The following EPB41L4B variants were observed in gnomAD, a reference collection of about 807,000 sequenced individuals.
EPB41L4B encodes erythrocyte membrane protein band 4.1 like 4B, also known as band 4.1-like protein 4B.
EPB41L4B carries 30 observed loss-of-function variants against 112.5 expected under a neutral mutation model. That is an observed-to-expected ratio of 0.27 (90% CI 0.20 to 0.36). The LOEUF is 0.36. Among genes scored for constraint, EPB41L4B ranks in the 10% least tolerant of loss-of-function variants. The pLI is 1.00. For synonymous variants in EPB41L4B, 408 were observed against 439.7 expected (o/e 0.93, Z 0.90); for missense variants, 1,024 against 1,133.3 (o/e 0.90, Z 1.38).
chr9:109,315,654 G>A (rs1291955629), intron 1 of EPB41L4B, among the ~76,000 whole-genome samples: 2 of 152,146 alleles, frequency 1.3e-5, no homozygotes, highest in Non-Finnish European at 2.9e-5. Flanking sequence ...ACAGACCACA[G>A]CTTCCCAGTT....
At chr9:109,245,335 T>C (rs1261003946) in intron 14 of EPB41L4B, among the ~76,000 whole-genome samples, 1 of 152,208 alleles carries the variant, frequency 6.6e-6, no homozygotes, top group African/African-American at 2.4e-5. Flanking sequence ...ATCAGATTCA[T>C]CAGAGAGAGA....
intron 15 of EPB41L4B, among the ~76,000 whole-genome samples, chr9:109,218,415 C>A (rs370417079): frequency 6.6e-6 from 1 of 152,042 alleles, no homozygotes; most frequent in Non-Finnish European, 1.5e-5. Flanking sequence ...CATGAACCAC[C>A]GCACCCAGCC....
chr9:109,242,594 C>T (rs1014333509), intron 15 of EPB41L4B, among the ~76,000 whole-genome samples: 2 of 152,196 alleles, frequency 1.3e-5, no homozygotes, highest in Non-Finnish European at 1.5e-5. Context: ...TAAGTGACTA[C>T]CAAGTGTTTA....
chr9:109,229,640 G>GTT (rs1191401746), intron 15 of EPB41L4B, among the ~76,000 whole-genome samples: 3 of 152,166 alleles, frequency 2.0e-5, no homozygotes, highest in African/African-American at 7.2e-5. Flanking sequence ...GGACAAACTG[G>GTT]TTCCTGTTTT....
In EPB41L4B at chr9:109,243,540, C is replaced by T; in HGVS notation, c.1409+78G>A. 4.3e-6 allele frequency: 6 copies of T among 1,381,486 alleles called. No individual in the cohort carries two copies. In the South Asian group the frequency reaches 7.1e-5, roughly 16 times the overall value. 85.6% of individuals were successfully genotyped at this position (1,381,486 alleles called of 1,614,324 possible). ...TTATTTCTGATGCAGACTTTCTACTCCTAACTAAGCAGAATCTGAACTTTT... is the reference window on the plus strand; with the variant it reads ...TTATTTCTGATGCAGACTTTCTACTTCTAACTAAGCAGAATCTGAACTTTT... On this transcript the variant is annotated intron_variant, in intron 15 of 25. Coordinates refer to ENST00000374566, the MANE Select transcript of EPB41L4B (RefSeq NM_019114.5).
At chr9:109,198,513 A>G (rs1832718216) in intron 20 of EPB41L4B, among the ~76,000 whole-genome samples, 1 of 152,156 alleles carries the variant, frequency 6.6e-6, no homozygotes, top group Non-Finnish European at 1.5e-5. Context: ...CCAACTCCAA[A>G]GCCCCCATCC....
In EPB41L4B at chr9:109,194,233, G is replaced by T. The variant is rs1365194690; in HGVS notation, c.2210C>A (p.Ser737Tyr). 4 of 1,614,196 alleles carry T rather than the reference G, an allele frequency of 2.5e-6. No individual in the cohort carries two copies. The highest frequency in any genetic ancestry group is 3.4e-6 in the Non-Finnish European group (4 of 1,180,004). The change falls in exon 21 of 26, where the codon TCC (serine) becomes TAC (tyrosine). Residue 737 changes from serine to tyrosine, a missense_variant. Transcript: ENST00000374566. ...PHKSEGKGLLSPGAKSPSDRG... is the reference protein window; with the variant it reads ...PHKSEGKGLLYPGAKSPSDRG... Reference sequence around the variant, plus strand: ...ACCCCCCAATACCTTGGCCCCAGGGGACAGCAGGCCTTTGCCTTCTGACTT... The same window carrying T: ...ACCCCCCAATACCTTGGCCCCAGGGTACAGCAGGCCTTTGCCTTCTGACTT...
chr9:109,248,915 C>T (rs1267859905), intron 13 of EPB41L4B, among the ~76,000 whole-genome samples: 4 of 151,648 alleles, frequency 2.6e-5, no homozygotes, highest in East Asian at 1.9e-4. Context: ...AAAAATTAGC[C>T]GGGCGTGGTG....
chr9:109,233,247 G>T (rs1241046949), intron 15 of EPB41L4B, among the ~76,000 whole-genome samples: 2 of 151,996 alleles, frequency 1.3e-5, no homozygotes, highest in Admixed American at 1.3e-4. Context: ...GGTGACTCTT[G>T]GGATGTGGCT....
intron 18 of EPB41L4B, among the ~76,000 whole-genome samples, chr9:109,206,828 C>T (rs1300186954): frequency 6.6e-6 from 1 of 152,240 alleles, no homozygotes; most frequent in African/African-American, 2.4e-5. Context: ...CCAGGTGGCT[C>T]CATGATAGGT....
chr9:109,292,818 G>T (rs1018448971), intron 1 of EPB41L4B, among the ~76,000 whole-genome samples: 1 of 152,184 alleles, frequency 6.6e-6, no homozygotes, highest in Non-Finnish European at 1.5e-5. Context: ...GATGTTCTGC[G>T]ATTTCCAAGG....
intron 25 of EPB41L4B, 69 bp from the exon 26 acceptor site, chr9:109,174,692 A>G: frequency 3.0e-6 from 4 of 1,324,066 alleles, no homozygotes; most frequent in Non-Finnish European, 3.2e-6. Flanking sequence ...CAGCTTAAGT[A>G]TCATCTCCCA....
intron 1 of EPB41L4B, among the ~76,000 whole-genome samples, chr9:109,300,017 G>A (rs546560590): frequency 2.0e-5 from 3 of 152,152 alleles, no homozygotes; most frequent in African/African-American, 2.4e-5. Context: ...AAAGGCTTCC[G>A]AGTCACAGAA....
At chr9:109,193,492 T>C (rs1832533905) in intron 21 of EPB41L4B, among the ~76,000 whole-genome samples, 1 of 152,368 alleles carries the variant, frequency 6.6e-6, no homozygotes, top group African/African-American at 2.4e-5. Context: ...GTGAGTGCTG[T>C]GGCTTATGAA....
In EPB41L4B at chr9:109,230,383, C is replaced by T. The variant is rs575979373; in HGVS notation, c.1409+13235G>A. ...GAACATGCATTGGTACTTAGCTTGG[C>T]TTTGCTGCTGTTTGCCTACGTGACC... On this transcript the variant is annotated intron_variant, in intron 15 of 25. Coordinates refer to ENST00000374566, the MANE Select transcript of EPB41L4B (RefSeq NM_019114.5). Among the ~76,000 whole-genome samples the T allele has an allele frequency of 4.6e-5, 7 of 152,282 alleles. No individual in the cohort carries two copies. The East Asian group carries it at 7.7e-4, about 17-fold the overall frequency.
intron 15 of EPB41L4B, among the ~76,000 whole-genome samples, chr9:109,222,830 C>T (rs191734758): frequency 6.6e-6 from 1 of 152,230 alleles, no homozygotes; most frequent in East Asian, 1.9e-4. Context: ...GCTGCTGGTG[C>T]CCCCTTAGAC....
chr9:109,305,511 G>A (rs755056202), intron 1 of EPB41L4B, among the ~76,000 whole-genome samples: 7 of 151,794 alleles, frequency 4.6e-5, no homozygotes, highest in South Asian at 2.1e-4. Flanking sequence ...CCAACTACTC[G>A]GGAGGCTGAG....
chr9:109,286,863 G>A (rs1376506245), intron 1 of EPB41L4B, among the ~76,000 whole-genome samples: 4 of 152,188 alleles, frequency 2.6e-5, no homozygotes, highest in Non-Finnish European at 5.9e-5. Context: ...TCCCCGTTCT[G>A]AAATGCAATA....
intron 15 of EPB41L4B, among the ~76,000 whole-genome samples, chr9:109,235,102 A>G (rs1834093819): frequency 1.3e-5 from 2 of 152,206 alleles, no homozygotes; most frequent in South Asian, 4.1e-4. Flanking sequence ...CTCTATGCCA[A>G]TTCTGCCATG....
Sources: gnomAD v4.1 joint callset for allele counts (sites outside exome capture counted in the v4.1 genomes callset) on GRCh38, gnomAD v4.1.1 for gene constraint, MANE v1.5 for transcripts, NCBI Gene and HGNC (gene_info 2026-07-23, HGNC 2026-07-21) for gene names.